The following CFAP47 variants were observed in gnomAD, a reference collection of about 807,000 sequenced individuals.
CFAP47 encodes cilia- and flagella-associated protein 47.
In CFAP47, 29 loss-of-function variants were observed where a neutral mutation model predicts 148.1. The ratio of observed to expected loss-of-function variants is 0.20; its 90% confidence interval spans 0.15 to 0.27. The LOEUF (loss-of-function observed/expected upper bound fraction) is 0.27. CFAP47 is among the 10% of genes least tolerant of loss of function. CFAP47 has a pLI of 1.00. For missense variants in CFAP47, 1,872 were observed against 1,697.5 expected (o/e 1.10, Z -1.81); for synonymous variants, 664 against 577.3 (o/e 1.15, Z -2.15).
chrX:36,379,672 ACCTTT>A (rs2147007601), intron 63 of CFAP47, 154 bp downstream of exon 63: 1 of 466,070 alleles, frequency 2.1e-6, no homozygotes, highest in African/African-American at 2.4e-5. Flanking sequence ...ATCTTGGTTT[ACCTTT>A]CTTTTGTCAA....
Position 36,073,178 on chromosome X carries a change from G to A in CFAP47, c.4505G>A (p.Ser1502Asn). The change falls in exon 29 of 64, where the codon AGT becomes AAT. Residue 1502 changes from serine to asparagine, a missense_variant. Coordinates refer to ENST00000378653, the MANE Select transcript of CFAP47 (RefSeq NM_001304548.2). ...VLPENLHLDE[S>N]ETSEEDHGSL... is the part of the protein sequence containing the mutation. ...CCTGAAAATTTGCACTTGGATGAAA[G>A]TGAAACATCAGAGGAAGATCATGGG... 1 of 1,210,325 alleles carries A rather than the reference G, an allele frequency of 8.3e-7. No individual in the cohort carries two copies. The highest frequency in any genetic ancestry group is 3.0e-5 in the East Asian group (1 of 33,777).
chrX:36,172,272 T>C (rs1432890821), intron 39 of CFAP47, among the ~76,000 whole-genome samples: 4 of 102,322 alleles, frequency 3.9e-5, no homozygotes, highest in Non-Finnish European at 8.1e-5. Flanking sequence ...CCTGTTTTCC[T>C]AATTGAATAC....
intron 39 of CFAP47, among the ~76,000 whole-genome samples, chrX:36,176,550 A>G (rs1034684451): frequency 9.8e-5 from 11 of 112,292 alleles, no homozygotes; most frequent in African/African-American, 3.6e-4. Flanking sequence ...CATCTCCAGA[A>G]GATTTGTTTG....
chrX:36,302,714 G>A lies in CFAP47; in HGVS notation c.7971-1135G>A, dbSNP rs782555032. ...AACACTCATTTATTATTTGTTTAGAGCATAAATAGTCACATATTTTGGGCA... is the reference window on the plus strand; with the variant it reads ...AACACTCATTTATTATTTGTTTAGAACATAAATAGTCACATATTTTGGGCA... On this transcript the variant is annotated intron_variant, in intron 53 of 63. Coordinates refer to ENST00000378653, the MANE Select transcript of CFAP47 (RefSeq NM_001304548.2). Among the ~76,000 whole-genome samples, 24 of 111,885 alleles carry A rather than the reference G, an allele frequency of 2.1e-4. No homozygotes were observed. In the South Asian group the frequency reaches 8.9e-3, roughly 41 times the overall value.
intron 2 of CFAP47, among the ~76,000 whole-genome samples, chrX:35,935,570 CTT>C (rs200513683): frequency 0.02 from 1,768 of 89,383 alleles, 44 homozygotes; most frequent in African/African-American, 0.066. Context: ...TACGAAGTTG[CTT>C]TTTTTTTTTT....
chrX:36,264,320 G>A (rs1160100748), intron 49 of CFAP47, among the ~76,000 whole-genome samples: 6 of 111,316 alleles, frequency 5.4e-5, no homozygotes, highest in African/African-American at 2.0e-4. Flanking sequence ...GCTAGATCTA[G>A]GGTTTGCTTA....
intron 2 of CFAP47, among the ~76,000 whole-genome samples, chrX:35,934,806 T>C (rs1456142487): frequency 9.0e-6 from 1 of 110,958 alleles, no homozygotes; most frequent in African/African-American, 3.3e-5. Flanking sequence ...GATCCTTCCC[T>C]TCAAGGCAAT....
At chrX:36,110,880 A>G (rs1179975625) in intron 33 of CFAP47, among the ~76,000 whole-genome samples, 1 of 111,606 alleles carries the variant, frequency 9.0e-6, no homozygotes, top group Non-Finnish European at 1.9e-5. Context: ...GAATGTGATT[A>G]CATTCCTGAT....
At chrX:36,005,784 C>T (rs1936975459) in intron 21 of CFAP47, among the ~76,000 whole-genome samples, 1 of 110,791 alleles carries the variant, frequency 9.0e-6, no homozygotes, top group African/African-American at 3.3e-5. Flanking sequence ...TTTTTAAAAA[C>T]CCTCTAAATA....
At chrX:35,948,602 GT>G (rs2146639822) in intron 4 of CFAP47, 150 bp downstream of exon 4, 3 of 450,270 alleles carry the variant, frequency 6.7e-6, no homozygotes, top group Non-Finnish European at 1.1e-5. Context: ...CAAGCAGTAG[GT>G]TTTTAAGAAA....
At chrX:36,300,985 T>C in intron 52 of CFAP47, 87 bp from the exon 53 acceptor site, 1 of 494,439 alleles carries the variant, frequency 2.0e-6, no homozygotes, top group Admixed American at 3.7e-5. Context: ...ACCAACTATT[T>C]ATACTAGTTT....
intron 62 of CFAP47, among the ~76,000 whole-genome samples, chrX:36,370,942 A>T (rs1378620569): frequency 1.8e-5 from 2 of 110,850 alleles, no homozygotes; most frequent in Non-Finnish European, 3.8e-5. Flanking sequence ...TGCATGACAA[A>T]CCCCATGGTG....
chrX:36,117,458 G>A (rs1938661342), intron 33 of CFAP47, among the ~76,000 whole-genome samples: 1 of 112,107 alleles, frequency 8.9e-6, no homozygotes, highest in African/African-American at 3.2e-5. Flanking sequence ...TAACTGGGGT[G>A]AGATGATGTC....
intron 57 of CFAP47, among the ~76,000 whole-genome samples, chrX:36,335,520 A>G (rs1428644039): frequency 8.9e-6 from 1 of 112,082 alleles, no homozygotes; most frequent in Non-Finnish European, 1.9e-5. Flanking sequence ...CAGTGAAGCT[A>G]TCTGGGCCTG....
At chrX:35,923,622 T>C (rs113595398) in intron 1 of CFAP47, among the ~76,000 whole-genome samples, 4,224 of 109,096 alleles carry the variant, frequency 0.039, 200 homozygotes, top group African/African-American at 0.13. Context: ...GAGATTGAGA[T>C]CATCCTGGCC....
intron 13 of CFAP47, among the ~76,000 whole-genome samples, chrX:35,974,552 A>T (rs1479307231): frequency 9.0e-6 from 1 of 111,329 alleles, no homozygotes; most frequent in Non-Finnish European, 1.9e-5. Context: ...AAATTTTTGG[A>T]GTGATAAATG....
Position 35,919,956 on chromosome X carries a change from A to G in CFAP47, c.157A>G (p.Met53Val). Residue 53 changes from methionine (M) to valine (V), a missense_variant, in exon 1 of 64, where the codon ATG (methionine) becomes GTG (valine). Physicochemically the swap from Met to Val is conservative, Grantham distance 21. Coordinates refer to ENST00000378653, the MANE Select transcript of CFAP47 (RefSeq NM_001304548.2). ...IPAEVKFLDTMAGRVYRLPIT... is the reference protein window; with the variant it reads ...IPAEVKFLDTVAGRVYRLPIT... ...GGCTGAGGTGAAGTTCCTGGACACG[A>G]TGGCCGGGAGGGTGTACCGCCTCCC... is the stretch of plus-strand genomic sequence containing the variant. 2 of 1,210,702 alleles carry G rather than the reference A, an allele frequency of 1.7e-6. No individual in the cohort carries two copies. Among genetic ancestry groups the G allele is most frequent in the South Asian group, 3.5e-5 (2 of 56,836 alleles).
At chrX:36,211,461 C>T (rs1210551965) in intron 45 of CFAP47, 2 of 265,060 alleles carry the variant, frequency 7.5e-6, no homozygotes, top group Non-Finnish European at 1.4e-5. Context: ...CAAAGGAGAA[C>T]ATCCTGTCCA....
At position 36,054,414 on chromosome X, in the gene CFAP47, A is replaced by G. The variant is rs773030541; in HGVS notation, c.4217+7351A>G. On this transcript the variant is annotated intron_variant, in intron 26 of 63. Transcript: ENST00000378653. ...AATGCATTTACTTCATGTTAAAAAGAAAAGAATAATGTGTACAATTAAATT... is the reference window on the plus strand; with the variant it reads ...AATGCATTTACTTCATGTTAAAAAGGAAAGAATAATGTGTACAATTAAATT... Among the ~76,000 whole-genome samples the G allele has an allele frequency of 2.7e-5, 3 of 112,414 alleles. No individual in the cohort carries two copies. The East Asian group carries it at 8.4e-4, about 31-fold the overall frequency.
Sources: gnomAD v4.1 joint callset for allele counts (sites outside exome capture counted in the v4.1 genomes callset) on GRCh38, gnomAD v4.1.1 for gene constraint, MANE v1.5 for transcripts, NCBI Gene and HGNC (gene_info 2026-07-23, HGNC 2026-07-21) for gene names.